PNPLA6: variants seen among roughly 807,000 people sequenced by gnomAD.
The protein encoded by PNPLA6 is patatin like domain 6, lysophospholipase.
In PNPLA6, 105 loss-of-function variants were observed where a neutral mutation model predicts 153.7. The observed-to-expected ratio is 0.68, with a 90% CI of 0.58 to 0.80. PNPLA6 has a LOEUF of 0.80. Among genes scored for constraint, PNPLA6 ranks in the 30% least tolerant of loss-of-function variants. The pLI is 0.00. For synonymous variants in PNPLA6, 825 were observed against 822.2 expected (o/e 1.00, Z -0.06); for missense variants, 1,423 against 1,919.3 (o/e 0.74, Z 4.83).
chr19:7,554,337 C>G, intron 20 of PNPLA6, 65 bp downstream of exon 20: 1 of 1,490,558 alleles, frequency 6.7e-7, no homozygotes. Context: ...TTCTTTCAGA[C>G]CTGAGTTCAA....
intron 13 of PNPLA6, among the ~76,000 whole-genome samples, chr19:7,543,319 GCCC>G (rs1011571548): frequency 6.8e-6 from 1 of 147,916 alleles, no homozygotes; most frequent in Non-Finnish European, 1.5e-5. Context: ...TGAACCTTTT[GCCC>G]TAGGACTCCA....
At chr19:7,539,487 A>G (rs1047702342) in intron 3 of PNPLA6, among the ~76,000 whole-genome samples, 1 of 149,540 alleles carries the variant, frequency 6.7e-6, no homozygotes, top group Non-Finnish European at 1.5e-5. Flanking sequence ...GGCAGGGCAC[A>G]GTGGCTCACA....
Position 7,541,262 on chromosome 19 carries a change from C to A in PNPLA6, c.925-92C>A, listed in dbSNP as rs938317696. 1.6e-6 allele frequency: 2 copies of A among 1,237,998 alleles called. No individual in the cohort carries two copies. Among genetic ancestry groups the A allele is most frequent in the African/African-American group, 1.5e-5 (1 of 67,302 alleles). 76.7% of individuals were successfully genotyped at this position (1,237,998 alleles called of 1,614,324 possible). A position where few individuals can be genotyped will look rare whatever the true frequency, so the allele number is the denominator to read the frequency against. ...TGTGGGTCTCTCCCTGGTTCCCGCC[C>A]GACCCCTTATGCTGCGAACTAGCCC... On this transcript the variant is annotated intron_variant, in intron 7 of 31. Transcript: ENST00000600737. This position sits in a 1 kb window ranked among gnomAD's most constrained non-coding sequence, Gnocchi z 5.2.
chr19:7,551,306 G>A, intron 17 of PNPLA6, 56 bp from the exon 18 acceptor site: 1 of 1,547,596 alleles, frequency 6.5e-7, no homozygotes, highest in Middle Eastern at 1.7e-4. Context: ...GGAGAGGTGG[G>A]ACCTGGACAG....
chr19:7,556,649 C>G lies in PNPLA6; in HGVS notation c.3211-6C>G. On this transcript the variant is annotated splice_region_variant and splice_polypyrimidine_tract_variant and intron_variant, in intron 25 of 31. Transcript: ENST00000600737. ...TCCTCCCCCACCTCGATCCCTGTCC[C>G]CGCAGGACCTGTGGCTGCCTTACTT... 1 of 1,612,796 alleles carries G rather than the reference C, an allele frequency of 6.2e-7. No individual in the cohort carries two copies. The highest frequency in any genetic ancestry group is 8.5e-7 in the Non-Finnish European group (1 of 1,178,832).
rs374465709 is a variant in PNPLA6 at position 7,541,457 on chromosome 19, G to A, written c.1005+23G>A. 6.2e-7 allele frequency: 1 copy of A among 1,613,108 alleles called. No individual in the cohort carries two copies. The highest frequency in any genetic ancestry group is 1.1e-5 in the South Asian group (1 of 91,044). ...CACGTGAGTGGGTGGCGGGGAGCGAGCACAGGGGGGATGGGGGCGAGGTCT... is the reference window on the plus strand; with the variant it reads ...CACGTGAGTGGGTGGCGGGGAGCGAACACAGGGGGGATGGGGGCGAGGTCT... On this transcript the variant is annotated intron_variant, in intron 8 of 31. Transcript: ENST00000600737. The surrounding 1 kb of genome is among the most constrained non-coding windows in gnomAD (Gnocchi z 5.2).
chr19:7,549,191 C>CTT (rs144394695), intron 13 of PNPLA6, among the ~76,000 whole-genome samples: 1 of 138,820 alleles, frequency 7.2e-6, no homozygotes, highest in Non-Finnish European at 1.6e-5. Context: ...TCTTTTTTTT[C>CTT]TTTTTTTTTT....
In PNPLA6 at chr19:7,541,668, G is replaced by C. The variant is rs538277794; in HGVS notation, c.1152G>C (p.Pro384=). ...GGCCACCCGATCCCACCGGGGCCCC[G>C]CTGCCTGGACCTACAGGTACCCAGG... ...PGRPPDPTGA[P]LPGPTGDPVK... is the part of the protein sequence containing the mutation. The change falls in exon 9 of 32, where the codon CCG becomes CCC. Residue 384 remains proline, a synonymous_variant. Coordinates refer to ENST00000600737, the MANE Select transcript of PNPLA6 (RefSeq NM_001166114.2). This position sits in a 1 kb window ranked among gnomAD's most constrained non-coding sequence, Gnocchi z 5.2. The C allele has an allele frequency of 5.1e-6, 8 of 1,572,900 alleles. No individual in the cohort carries two copies. Among genetic ancestry groups the C allele is most frequent in the Admixed American group, 1.8e-5 (1 of 54,390 alleles).
rs1435226029 is a variant in PNPLA6 at position 7,536,291 on chromosome 19, G to A, written c.315+18G>A. On this transcript the variant is annotated intron_variant, in intron 2 of 31. Coordinates refer to ENST00000600737, the MANE Select transcript of PNPLA6 (RefSeq NM_001166114.2). ...TGCGGAAGGTGAGTCCGGGACCCCT[G>A]GGGTCCGCCCTGACCACACAGAGGC... is the stretch of plus-strand genomic sequence containing the variant. The A allele has an allele frequency of 6.3e-7, 1 of 1,597,776 alleles. No homozygotes were observed. Among genetic ancestry groups the A allele is most frequent in the Non-Finnish European group, 8.6e-7 (1 of 1,165,416 alleles).
intron 13 of PNPLA6, among the ~76,000 whole-genome samples, chr19:7,546,363 T>C (rs1365986171): frequency 6.6e-6 from 1 of 152,126 alleles, no homozygotes; most frequent in Admixed American, 6.5e-5. Flanking sequence ...GCACAGTGGC[T>C]CACGCCTGTA....
intron 3 of PNPLA6, 26 bp from the exon 4 acceptor site, chr19:7,539,892 C>G: frequency 6.7e-7 from 1 of 1,494,490 alleles, no homozygotes; most frequent in Non-Finnish European, 9.0e-7. Context: ...CCCCCCTCAC[C>G]CCCGGCACCC....
Position 7,555,871 on chromosome 19 carries a change from C to A in PNPLA6, c.3093+108C>A. 8.6e-7 allele frequency: 1 copy of A among 1,163,274 alleles called. No homozygotes were observed. The highest frequency in any genetic ancestry group is 2.4e-5 in the East Asian group (1 of 41,602). 72.1% of individuals were successfully genotyped at this position (1,163,274 alleles called of 1,614,324 possible). ...GCCTCCGGGGTCAGGGTGACCCTTC[C>A]TGATTAAATCTATGATCCCCAGCTG... On this transcript the variant is annotated intron_variant, in intron 24 of 31. Transcript: ENST00000600737. The surrounding 1 kb of genome is among the most constrained non-coding windows in gnomAD (Gnocchi z 6.3).
chr19:7,535,610 G>T (rs768318520), upstream of PNPLA6: 52 of 1,592,944 alleles, frequency 3.3e-5, no homozygotes, highest in Admixed American at 4.6e-4. The surrounding 1 kb of genome is among the most constrained non-coding windows in gnomAD (Gnocchi z 5.0). Context: ...GGTAGGTGCC[G>T]GCGTGGGGCG....
Position 7,558,986 on chromosome 19 carries a change from T to C in PNPLA6, c.3534T>C (p.Ala1178=). Residue 1178 remains alanine, a synonymous_variant, in exon 28 of 32, where the codon GCT becomes GCC. Transcript: ENST00000600737. The stretch of plus-strand genomic sequence containing the variant: ...TGTGGAAGCGGCTGAATCCCTGGGC[T>C]GACAAGGTAAAGGTTCCAGACATGG... ...WLLWKRLNPW[A]DKVKVPDMAE... 6.2e-7 allele frequency: 1 copy of C among 1,614,214 alleles called. No homozygotes were observed. Among genetic ancestry groups the C allele is most frequent in the Non-Finnish European group, 8.5e-7 (1 of 1,180,034 alleles).
At position 7,541,939 on chromosome 19, in the gene PNPLA6, C is replaced by T. The variant is rs2023164660; in HGVS notation, c.1169-45C>T. Reference sequence around the variant, plus strand: ...CTTATCTCCCAACCTGCTAATCCTCCTAGTGGCTCTGAGGGGCAGGAGCCT... The same window carrying T: ...CTTATCTCCCAACCTGCTAATCCTCTTAGTGGCTCTGAGGGGCAGGAGCCT... On this transcript the variant is annotated intron_variant, in intron 9 of 31. Transcript: ENST00000600737. This position sits in a 1 kb window ranked among gnomAD's most constrained non-coding sequence, Gnocchi z 5.2. 1 of 1,504,484 alleles carries T rather than the reference C, an allele frequency of 6.6e-7. No individual in the cohort carries two copies. Among genetic ancestry groups the T allele is most frequent in the African/African-American group, 1.4e-5 (1 of 73,114 alleles). 93.2% of individuals were successfully genotyped at this position (1,504,484 alleles called of 1,614,324 possible). A position where few individuals can be genotyped will look rare whatever the true frequency, so the allele number is the denominator to read the frequency against.
At chr19:7,551,151 C>A in intron 17 of PNPLA6, 44 bp downstream of exon 17, 1 of 732,546 alleles carries the variant, frequency 1.4e-6, no homozygotes, top group Non-Finnish European at 2.1e-6. Flanking sequence ...AGGCGGGACT[C>A]CGGGGGGGTG....
Position 7,558,974 on chromosome 19 carries a change from G to T in PNPLA6, c.3522G>T (p.Leu1174=). The change falls in exon 28 of 32, where the codon CTG becomes CTT. Residue 1174 remains leucine (L), a synonymous_variant. Coordinates refer to ENST00000600737, the MANE Select transcript of PNPLA6 (RefSeq NM_001166114.2). ...LSGWWLLWKR[L]NPWADKVKVP... Reference sequence around the variant, plus strand: ...GCTGGTGGCTGCTGTGGAAGCGGCTGAATCCCTGGGCTGACAAGGTAAAGG... The same window carrying T: ...GCTGGTGGCTGCTGTGGAAGCGGCTTAATCCCTGGGCTGACAAGGTAAAGG... 1.2e-6 allele frequency: 2 copies of T among 1,614,242 alleles called. No homozygotes were observed. Among genetic ancestry groups the T allele is most frequent in the East Asian group, 2.2e-5 (1 of 44,886 alleles).
At chr19:7,548,444 T>G (rs1016570070) in intron 13 of PNPLA6, among the ~76,000 whole-genome samples, 5 of 151,950 alleles carry the variant, frequency 3.3e-5, no homozygotes, top group African/African-American at 1.2e-4. Context: ...TTAACAAAGT[T>G]TATGAATTTG....
chr19:7,552,137 A>G (rs965463158), intron 18 of PNPLA6, among the ~76,000 whole-genome samples: 1 of 152,080 alleles, frequency 6.6e-6, no homozygotes, highest in Non-Finnish European at 1.5e-5. Flanking sequence ...AAACAAACAA[A>G]ACTCCCCATA....
Sources: gnomAD v4.1 joint callset for allele counts (sites outside exome capture counted in the v4.1 genomes callset) on GRCh38, gnomAD v4.1.1 for gene constraint, Gnocchi (gnomAD v3.1) non-coding constraint, MANE v1.5 for transcripts, NCBI Gene and HGNC (gene_info 2026-07-23, HGNC 2026-07-21) for gene names.